The following DST variants were observed in gnomAD, a reference collection of about 807,000 sequenced individuals.
DST encodes the protein bullous pemphigoid antigen.
DST carries 253 observed loss-of-function variants against 875.2 expected under a neutral mutation model. The observed-to-expected ratio is 0.29, with a 90% confidence interval of 0.26 to 0.32. DST has a LOEUF of 0.32. Among genes scored for constraint, DST ranks in the 10% least tolerant of loss-of-function variants. The pLI, the probability that DST is intolerant of heterozygous loss-of-function variation, is 1.00. For missense variants in DST, 8,287 were observed against 9,111.6 expected, an observed-to-expected ratio of 0.91 and a Z score of 3.68; for synonymous variants, 3,124 against 3,197.1, an observed-to-expected ratio of 0.98 and a Z score of 0.77.
At chr6:56,702,719 G>A (rs886625524) in intron 7 of DST, among the ~76,000 whole-genome samples, 51 of 152,230 alleles carry the variant, frequency 3.4e-4, no homozygotes, top group Middle Eastern at 3.4e-3. Flanking sequence ...TTACAAGTTA[G>A]CATGAAGGAA....
intron 67 of DST, among the ~76,000 whole-genome samples, chr6:56,528,308 C>A (rs183663147): frequency 6.6e-6 from 1 of 152,150 alleles, no homozygotes; most frequent in Middle Eastern, 3.2e-3. Flanking sequence ...TATTGCTGAA[C>A]TGAATATAGG....
intron 2 of DST, among the ~76,000 whole-genome samples, chr6:56,901,536 A>G (rs1562340519): frequency 1.3e-5 from 2 of 152,236 alleles, no homozygotes; most frequent in African/African-American, 2.4e-5. Context: ...CAGAGGTTGC[A>G]GTGAGCCAAG....
intron 3 of DST, among the ~76,000 whole-genome samples, chr6:56,867,218 T>C (rs1774589024): frequency 6.6e-6 from 1 of 152,210 alleles, no homozygotes; most frequent in African/African-American, 2.4e-5. Flanking sequence ...CTACTTAAAC[T>C]TTCTAAGCTT....
Position 56,606,497 on chromosome 6 carries a change from C to G in DST, c.8131G>C (p.Val2711Leu). The G allele has an allele frequency of 6.2e-7, 1 of 1,613,322 alleles. No individual in the cohort carries two copies. Among genetic ancestry groups the G allele is most frequent in the Non-Finnish European group, 8.5e-7 (1 of 1,179,496 alleles). ...DSGEKIHLNP[V>L]GSDKVNGQSL... ...TGTCCATTCACCTTATCTGAGCCAA[C>G]AGGATTTAAATGTATTTTTTCACCA... is the stretch of plus-strand genomic sequence containing the variant. Residue 2711 changes from valine to leucine, a missense_variant, in exon 40 of 104, where the codon GTT becomes CTT. Around this residue, in one of 10 missense-constraint regions of DST, gnomAD observed 3,138 missense variants for 3,116.6 expected, o/e 1.01. Coordinates refer to ENST00000680361, the MANE Select transcript of DST (RefSeq NM_001374736.1).
intron 61 of DST, chr6:56,542,926 G>A (rs1211165725): frequency 6.6e-6 from 1 of 152,332 alleles, no homozygotes; most frequent in Non-Finnish European, 1.5e-5. Context: ...GAGTCGGCGA[G>A]CGGTTTCAGT....
chr6:56,774,967 G>A (rs1268548424), intron 4 of DST, among the ~76,000 whole-genome samples: 4 of 148,774 alleles, frequency 2.7e-5, no homozygotes, highest in Non-Finnish European at 5.9e-5. Context: ...ACTCCAGCCT[G>A]GGCAACAAGA....
At chr6:56,620,370 T>G (rs571282019) in intron 36 of DST, 1 of 1,614,200 alleles carries the variant, frequency 6.2e-7, no homozygotes, top group African/African-American at 1.3e-5. Context: ...TCGGCCTCTA[T>G]GGTGAGCTGC....
At chr6:56,532,848 T>C (rs1359157638) in intron 63 of DST, among the ~76,000 whole-genome samples, 1 of 152,196 alleles carries the variant, frequency 6.6e-6, no homozygotes, top group Non-Finnish European at 1.5e-5. Context: ...ATCTCCATTA[T>C]CGGAATGAAA....
intron 31 of DST, among the ~76,000 whole-genome samples, chr6:56,629,677 TATC>T (rs1432713892): frequency 6.6e-6 from 1 of 152,206 alleles, no homozygotes; most frequent in Non-Finnish European, 1.5e-5. Context: ...AAAATTTGCA[TATC>T]AACAAAATAA....
intron 4 of DST, among the ~76,000 whole-genome samples, chr6:56,761,125 T>A (rs1350015168): frequency 6.6e-6 from 1 of 152,212 alleles, no homozygotes; most frequent in African/African-American, 2.4e-5. Flanking sequence ...AACAGCACTG[T>A]GGAGAGGCCC....
At chr6:56,778,735 A>G (rs926940984) in intron 4 of DST, among the ~76,000 whole-genome samples, 4 of 151,960 alleles carry the variant, frequency 2.6e-5, no homozygotes, top group African/African-American at 9.7e-5. Context: ...ATGGCTGTAT[A>G]GTATTCCATG....
chr6:56,782,603 T>G (rs956132434), intron 4 of DST, among the ~76,000 whole-genome samples: 1 of 152,194 alleles, frequency 6.6e-6, no homozygotes. Context: ...ATCTATTTGA[T>G]TCTTCTGTCT....
chr6:56,777,254 G>C (rs948675219), intron 4 of DST, among the ~76,000 whole-genome samples: 12 of 152,132 alleles, frequency 7.9e-5, no homozygotes, highest in Admixed American at 2.0e-4. Context: ...CAACTGAGAA[G>C]TGAGATAAAA....
At chr6:56,903,833 G>A (rs1007038626) in intron 2 of DST, among the ~76,000 whole-genome samples, 2 of 152,090 alleles carry the variant, frequency 1.3e-5, no homozygotes, top group South Asian at 2.1e-4. Flanking sequence ...TTTTTCTCCA[G>A]ATCTGAGCAC....
Position 56,639,336 on chromosome 6 carries a change from C to T in DST, c.2887G>A (p.Glu963Lys). 6.2e-7 allele frequency: 1 copy of T among 1,613,560 alleles called. No individual in the cohort carries two copies. Among genetic ancestry groups the T allele is most frequent in the Non-Finnish European group, 8.5e-7 (1 of 1,179,806 alleles). The change falls in exon 22 of 104, where the codon GAA becomes AAA. Residue 963 changes from glutamate (E) to lysine (K), a missense_variant. Transcript: ENST00000680361. ...AELMRELDQK[E>K]ENIKSVQEIA... ...TCCTGAACTGATTTAATATTTTCTT[C>T]CTTTTGATCAAGTTCTCTCATTAAT...
chr6:56,482,551 G>T, intron 89 of DST, 132 bp downstream of exon 89: 1 of 829,458 alleles, frequency 1.2e-6, no homozygotes, highest in Non-Finnish European at 1.8e-6. Context: ...AGGCAATGTT[G>T]CTATTAGAAT....
intron 4 of DST, among the ~76,000 whole-genome samples, chr6:56,791,315 T>G (rs1420198556): frequency 6.6e-6 from 1 of 152,128 alleles, no homozygotes; most frequent in Non-Finnish European, 1.5e-5. Context: ...GTATAGTAAC[T>G]GAGACACTGT....
At chr6:56,634,387 A>T in intron 26 of DST, 75 bp downstream of exon 26, 1 of 1,608,664 alleles carries the variant, frequency 6.2e-7, no homozygotes, top group South Asian at 1.1e-5. Context: ...GGGCCTTGAC[A>T]AAGTATTGAT....
At chr6:56,900,982 T>C (rs1232263684) in intron 2 of DST, among the ~76,000 whole-genome samples, 1 of 148,148 alleles carries the variant, frequency 6.8e-6, no homozygotes, top group Non-Finnish European at 1.5e-5. Flanking sequence ...TGAAGTAGAG[T>C]GTAGGGAGCG....
Sources: gnomAD v4.1 joint callset for allele counts (sites outside exome capture counted in the v4.1 genomes callset) on GRCh38, gnomAD v4.1.1 for gene constraint, gnomAD v4.1.1 regional missense constraint, MANE v1.5 for transcripts, NCBI Gene and HGNC (gene_info 2026-07-23, HGNC 2026-07-21) for gene names.